Variants in KLHL29 observed in about 807,000 individuals in gnomAD.
KLHL29 encodes kelch-like protein 29.
KLHL29 carries 21 observed loss-of-function variants against 80.4 expected under a neutral mutation model. The observed-to-expected ratio is 0.26, with a 90% confidence interval of 0.19 to 0.38. The LOEUF is 0.38. KLHL29 is among the 10% of genes least tolerant of loss of function. The pLI is 1.00. For synonymous variants in KLHL29, 511 were observed against 526.8 expected (o/e 0.97, Z 0.41); for missense variants, 867 against 1,223.9 (o/e 0.71, Z 4.35).
In KLHL29 at chr2:23,485,378, G is replaced by A. The variant is rs144194258; in HGVS notation, c.-46+9711G>A. Among the ~76,000 whole-genome samples, 13 of 152,286 alleles carry A rather than the reference G, an allele frequency of 8.5e-5. No individual in the cohort carries two copies. The East Asian group carries it at 2.5e-3, about 29-fold the overall frequency. On this transcript the variant is annotated intron_variant, in intron 2 of 13. Coordinates refer to ENST00000486442, the MANE Select transcript of KLHL29 (RefSeq NM_052920.2). Reference sequence around the variant, plus strand: ...GTGGCTCCTTTAACCTGTCTAAATTGTGTGTGAAAGGAGCCAGCCACACCC... The same window carrying A: ...GTGGCTCCTTTAACCTGTCTAAATTATGTGTGAAAGGAGCCAGCCACACCC...
In KLHL29 at chr2:23,703,746, T is replaced by C; in HGVS notation, c.2327T>C (p.Leu776Pro). The C allele has an allele frequency of 6.5e-7, 1 of 1,537,206 alleles. No homozygotes were observed. Among genetic ancestry groups the C allele is most frequent in the Non-Finnish European group, 8.7e-7 (1 of 1,146,852 alleles). ...AACAAGTATGCCCCCGCTGTCACGC[T>C]CAATGGCTTCGTTTTCATCCTGGGC... ...IDNKYAPAVT[L>P]NGFVFILGGA... is the part of the protein sequence containing the mutation. Residue 776 changes from leucine (L) to proline (P), a missense_variant, in exon 13 of 14, where the codon CTC becomes CCC. Physicochemically the swap from Leu to Pro is moderately conservative, Grantham distance 98. This residue lies in a region of KLHL29 where 443 missense variants were observed against 767.0 expected (regional missense o/e 0.58). Transcript: ENST00000486442.
At chr2:23,393,464 T>G (rs974035600) in intron 1 of KLHL29, among the ~76,000 whole-genome samples, 4 of 152,202 alleles carry the variant, frequency 2.6e-5, no homozygotes, top group African/African-American at 9.7e-5. Flanking sequence ...CCGTGCCGTC[T>G]GTCCTCTCTC....
chr2:23,546,360 A>C (rs1666979771), intron 2 of KLHL29, among the ~76,000 whole-genome samples: 1 of 152,212 alleles, frequency 6.6e-6, no homozygotes, highest in African/African-American at 2.4e-5. Context: ...ATGAGGCAGC[A>C]GAGTGACCTG....
rs558225292 is a variant in KLHL29, at chr2:23,680,595, C to T, written c.941-3804C>T. Among the ~76,000 whole-genome samples, 18 of 151,754 alleles carry T rather than the reference C, an allele frequency of 1.2e-4. No individual in the cohort carries two copies. The East Asian group carries it at 1.4e-3, about 11-fold the overall frequency. On this transcript the variant is annotated intron_variant, in intron 5 of 13. Coordinates refer to ENST00000486442, the MANE Select transcript of KLHL29 (RefSeq NM_052920.2). The surrounding 1 kb of genome is among the most constrained non-coding windows in gnomAD (Gnocchi z 4.1). ...CAGGACTCCACTCGCCAGACCCCAC[C>T]GAGCCTCCATGCAGGGAGGGTCATG... is the stretch of plus-strand genomic sequence containing the variant.
At chr2:23,675,909 A>G in intron 5 of KLHL29, among the ~76,000 whole-genome samples, 1 of 152,158 alleles carries the variant, frequency 6.6e-6, no homozygotes, top group East Asian at 1.9e-4. Context: ...CTAACCCCCT[A>G]GCACGCATCT....
At chr2:23,548,748 GA>G (rs1667048942) in intron 2 of KLHL29, among the ~76,000 whole-genome samples, 1 of 152,220 alleles carries the variant, frequency 6.6e-6, no homozygotes, top group African/African-American at 2.4e-5. Flanking sequence ...AGGTTTTGGG[GA>G]CTGTTTAGCA....
At chr2:23,631,332 A>G (rs1215664695) in intron 3 of KLHL29, among the ~76,000 whole-genome samples, 1 of 143,682 alleles carries the variant, frequency 7.0e-6, no homozygotes, top group East Asian at 1.9e-4. Context: ...ATTGAAATTA[A>G]AATTTAAATA....
At chr2:23,580,319 C>T (rs1033522087) in intron 3 of KLHL29, among the ~76,000 whole-genome samples, 2 of 151,048 alleles carry the variant, frequency 1.3e-5, no homozygotes, top group African/African-American at 4.9e-5. Flanking sequence ...TTGCAGTGAG[C>T]CGAGATCACG....
At chr2:23,598,668 C>A (rs1236754097) in intron 3 of KLHL29, among the ~76,000 whole-genome samples, 2 of 152,254 alleles carry the variant, frequency 1.3e-5, no homozygotes, top group Non-Finnish European at 2.9e-5. Flanking sequence ...ATCCAGAGCA[C>A]CTGTCTGCAG....
At chr2:23,693,145 G>T in intron 7 of KLHL29, 124 bp from the exon 8 acceptor site, 1 of 1,129,360 alleles carries the variant, frequency 8.9e-7, no homozygotes, top group Non-Finnish European at 1.2e-6. Context: ...CAGGGACTCT[G>T]GACACTGCAG....
intron 3 of KLHL29, among the ~76,000 whole-genome samples, chr2:23,635,500 C>G (rs1669585145): frequency 6.6e-6 from 1 of 152,232 alleles, no homozygotes; most frequent in African/African-American, 2.4e-5. Context: ...TCTGCGCTGC[C>G]TCACGGAGAG....
At chr2:23,401,703 G>A (rs1480285829) in intron 1 of KLHL29, among the ~76,000 whole-genome samples, 1 of 152,226 alleles carries the variant, frequency 6.6e-6, no homozygotes, top group Non-Finnish European at 1.5e-5. Flanking sequence ...GCAGGAAGGT[G>A]CATTGCTGAG....
intron 1 of KLHL29, among the ~76,000 whole-genome samples, chr2:23,418,288 C>A (rs1029994595): frequency 6.6e-6 from 1 of 152,160 alleles, no homozygotes; most frequent in African/African-American, 2.4e-5. Flanking sequence ...TTTGTCAGCC[C>A]TTGGTGATGG....
intron 3 of KLHL29, among the ~76,000 whole-genome samples, chr2:23,579,595 C>T (rs1278665887): frequency 2.0e-5 from 3 of 152,166 alleles, no homozygotes; most frequent in Non-Finnish European, 2.9e-5. Flanking sequence ...CCTCCAGTCC[C>T]ACTTCCACTG....
intron 2 of KLHL29, among the ~76,000 whole-genome samples, chr2:23,526,115 G>A (rs1666306557): frequency 6.6e-6 from 1 of 152,218 alleles, no homozygotes; most frequent in Non-Finnish European, 1.5e-5. Flanking sequence ...ACCTGGAATA[G>A]GGATCCCATC....
intron 1 of KLHL29, among the ~76,000 whole-genome samples, chr2:23,448,295 C>A (rs2103419733): frequency 6.6e-6 from 1 of 152,242 alleles, no homozygotes; most frequent in Non-Finnish European, 1.5e-5. Flanking sequence ...AAACACTTTC[C>A]TTATTCCAGG....
intron 3 of KLHL29, among the ~76,000 whole-genome samples, chr2:23,602,279 AC>A (rs1220269770): frequency 6.6e-6 from 1 of 151,714 alleles, no homozygotes; most frequent in Non-Finnish European, 1.5e-5. Flanking sequence ...CCGTCCCAGC[AC>A]CCCCCTGCCC....
At chr2:23,523,027 G>C (rs569685560) in intron 2 of KLHL29, among the ~76,000 whole-genome samples, 36 of 152,200 alleles carry the variant, frequency 2.4e-4, no homozygotes, top group Non-Finnish European at 4.4e-4. Flanking sequence ...CCTGCCTGTG[G>C]GGGTGGTTAC....
At chr2:23,508,314 T>C (rs1249833038) in intron 2 of KLHL29, among the ~76,000 whole-genome samples, 2 of 152,230 alleles carry the variant, frequency 1.3e-5, no homozygotes, top group East Asian at 1.9e-4. Context: ...CTGGGAACAC[T>C]CACAGGTTGG....
Sources: gnomAD v4.1 joint callset for allele counts (sites outside exome capture counted in the v4.1 genomes callset) on GRCh38, gnomAD v4.1.1 for gene constraint, gnomAD v4.1.1 regional missense constraint, Gnocchi (gnomAD v3.1) non-coding constraint, MANE v1.5 for transcripts, NCBI Gene and HGNC (gene_info 2026-07-23, HGNC 2026-07-21) for gene names.